The following SPIN1 variants were observed in gnomAD, a reference collection of about 807,000 sequenced individuals.
SPIN1 encodes the protein spindlin 1.
Under a neutral mutation model 26.0 loss-of-function variants are expected in SPIN1, and 3 were observed. The observed-to-expected ratio is 0.12, with a 90% CI of 0.05 to 0.30. The LOEUF (loss-of-function observed/expected upper bound fraction) is 0.30, where lower values mean the gene tolerates loss of function less well. Among genes scored for constraint, SPIN1 ranks in the 10% least tolerant of loss-of-function variants. SPIN1 has a pLI of 1.00. For missense variants in SPIN1, 126 were observed against 333.4 expected, an observed-to-expected ratio of 0.38 and a Z score of 4.84; for synonymous variants, 101 against 116.5, an observed-to-expected ratio of 0.87 and a Z score of 0.86.
intron 2 of SPIN1, among the ~76,000 whole-genome samples, chr9:88,432,385 A>G (rs1034311497): frequency 6.6e-6 from 1 of 151,354 alleles, no homozygotes; most frequent in African/African-American, 2.4e-5. Flanking sequence ...ACAGGGTTTC[A>G]CCATGTTGCC....
At chr9:88,453,860 G>T (rs1054980263) in intron 3 of SPIN1, among the ~76,000 whole-genome samples, 4 of 152,124 alleles carry the variant, frequency 2.6e-5, no homozygotes, top group Non-Finnish European at 4.4e-5. Context: ...AGTTAAATTG[G>T]GGTTGGAAAT....
At chr9:88,399,091 G>A (rs2117893637) in intron 1 of SPIN1, among the ~76,000 whole-genome samples, 1 of 151,116 alleles carries the variant, frequency 6.6e-6, no homozygotes, top group East Asian at 2.0e-4. Context: ...GAGTGCAGTG[G>A]CACAATCTTG....
chr9:88,388,658 A>G (rs1189254892), intron 1 of SPIN1, 120 bp downstream of exon 1: 1 of 147,082 alleles, frequency 6.8e-6, no homozygotes, highest in African/African-American at 2.5e-5. Flanking sequence ...CCGGCGGAGC[A>G]TTGTCCAGCG....
chr9:88,423,810 G>T (rs1827716565), intron 1 of SPIN1, among the ~76,000 whole-genome samples: 2 of 151,296 alleles, frequency 1.3e-5, no homozygotes, highest in Admixed American at 6.6e-5. Flanking sequence ...CTGTCATCCA[G>T]GCTGGAGTGC....
At chr9:88,453,815 C>T (rs1024362444) in intron 3 of SPIN1, among the ~76,000 whole-genome samples, 3 of 152,152 alleles carry the variant, frequency 2.0e-5, no homozygotes, top group Non-Finnish European at 2.9e-5. Flanking sequence ...CGGGAGCCAC[C>T]GCGCCCGCGG....
At chr9:88,393,150 C>A (rs1428176978) in intron 1 of SPIN1, among the ~76,000 whole-genome samples, 3 of 112,190 alleles carry the variant, frequency 2.7e-5, no homozygotes, top group African/African-American at 8.1e-5. Flanking sequence ...TTTTTTTTTC[C>A]TGAAGGGAGG....
intron 4 of SPIN1, among the ~76,000 whole-genome samples, chr9:88,464,356 T>TA (rs1828620871): frequency 6.6e-6 from 1 of 152,250 alleles, no homozygotes; most frequent in African/African-American, 2.4e-5. Context: ...GCTCTTCACT[T>TA]ACGTTTTACG....
intron 1 of SPIN1, among the ~76,000 whole-genome samples, chr9:88,410,312 A>G (rs1827414355): frequency 6.6e-6 from 1 of 152,168 alleles, no homozygotes; most frequent in Admixed American, 6.5e-5. Flanking sequence ...GCTTTAAACA[A>G]AAGAACAGAA....
At chr9:88,410,869 A>G (rs973457424) in intron 1 of SPIN1, 1 of 943,262 alleles carries the variant, frequency 1.1e-6, no homozygotes, top group Non-Finnish European at 1.7e-6. Context: ...ACGTTTCCAG[A>G]ATCACTTAGC....
intron 1 of SPIN1, chr9:88,411,099 T>G (rs980902913): frequency 2.0e-6 from 3 of 1,523,188 alleles, no homozygotes; most frequent in African/African-American, 1.4e-5. Flanking sequence ...AAATAATCTC[T>G]TAGGTGATGT....
chr9:88,406,631 A>G (rs748876569), intron 1 of SPIN1, among the ~76,000 whole-genome samples: 1 of 152,134 alleles, frequency 6.6e-6, no homozygotes, highest in Non-Finnish European at 1.5e-5. Context: ...TGTGTTTCTT[A>G]TGATTAGAGC....
chr9:88,448,305 A>G lies in SPIN1; in HGVS notation c.53-636A>G, dbSNP rs553456546. Among the ~76,000 whole-genome samples, 326 of 152,052 alleles carry G rather than the reference A, an allele frequency of 2.1e-3. 1 individual carries two copies. Among genetic ancestry groups the G allele is most frequent in the African/African-American group, 7.7e-3 (319 of 41,482 alleles). ...GGAATCCACCCGACTTGGCCTCCCA[A>G]AGTATCGGGATTACAGGCGTGAGCC... is the stretch of plus-strand genomic sequence containing the variant. On this transcript the variant is annotated intron_variant, in intron 2 of 5. Transcript: ENST00000375859.
At chr9:88,400,480 G>T (rs1827163343) in intron 1 of SPIN1, among the ~76,000 whole-genome samples, 1 of 152,128 alleles carries the variant, frequency 6.6e-6, no homozygotes. Context: ...CCATCCACAA[G>T]GCCTGATGCC....
intron 1 of SPIN1, among the ~76,000 whole-genome samples, chr9:88,397,171 A>AT (rs1170721635): frequency 2.0e-5 from 3 of 152,108 alleles, no homozygotes; most frequent in Non-Finnish European, 2.9e-5. Context: ...GCTTACTGTA[A>AT]TTTTTTTAAC....
At chr9:88,424,154 A>G (rs1259191847) in intron 1 of SPIN1, among the ~76,000 whole-genome samples, 1 of 152,204 alleles carries the variant, frequency 6.6e-6, no homozygotes, top group African/African-American at 2.4e-5. Context: ...GGCAAGTGAC[A>G]GGGTTGAATG....
chr9:88,396,308 G>A (rs1827056907), intron 1 of SPIN1, among the ~76,000 whole-genome samples: 1 of 151,476 alleles, frequency 6.6e-6, no homozygotes, highest in Admixed American at 6.6e-5. Context: ...AACTCTAAAT[G>A]GTGGCCAGGT....
chr9:88,408,113 T>C (rs1827347708), intron 1 of SPIN1, among the ~76,000 whole-genome samples: 1 of 151,978 alleles, frequency 6.6e-6, no homozygotes, highest in African/African-American at 2.4e-5. Context: ...TTTCTGCCTT[T>C]AGTTTTCAAC....
chr9:88,451,772 G>A (rs1828358046), intron 3 of SPIN1, among the ~76,000 whole-genome samples: 1 of 152,164 alleles, frequency 6.6e-6, no homozygotes, highest in African/African-American at 2.4e-5. Context: ...TGTTGGCCAG[G>A]CTGGTCTCGA....
intron 1 of SPIN1, among the ~76,000 whole-genome samples, chr9:88,414,533 A>G (rs1827521467): frequency 6.6e-6 from 1 of 152,206 alleles, no homozygotes; most frequent in African/African-American, 2.4e-5. Context: ...GACCAGGCCT[A>G]GTGATATCAC....
Sources: allele counts gnomAD v4.1 joint callset (sites outside exome capture counted in the v4.1 genomes callset), GRCh38; gene constraint gnomAD v4.1.1; transcripts MANE v1.5; gene names NCBI Gene and HGNC (gene_info 2026-07-23, HGNC 2026-07-21).